Variants in KLRG1 observed in about 807,000 individuals in gnomAD.
KLRG1 encodes the protein killer cell lectin like receptor G1.
A neutral mutation model predicts 21.8 loss-of-function variants in KLRG1; 16 were observed. The ratio of observed to expected loss-of-function variants is 0.73; its 90% confidence interval spans 0.50 to 1.11. The LOEUF is 1.11. KLRG1 is among the 50% of genes most tolerant of loss of function. The pLI is 0.00. For missense variants in KLRG1, 173 were observed against 218.3 expected (o/e 0.79, Z 1.31); for synonymous variants, 69 against 75.9 (o/e 0.91, Z 0.47).
At chr12:9,197,112 C>A in the KLRG1 span, 1 of 1,608,136 alleles carries the variant, frequency 6.2e-7, no homozygotes, top group Non-Finnish European at 8.5e-7. Context: ...GACAGGCTTC[C>A]CATAAGTGTA....
At chr12:9,056,095 C>G in the KLRG1 span, among the ~76,000 whole-genome samples, 6 of 152,174 alleles carry the variant, frequency 3.9e-5, no homozygotes, top group Admixed American at 6.5e-5. Context: ...GTAGAGCAAA[C>G]TGCCTATCGG....
chr12:8,972,784 G>T (rs1408511000), intron 1 of KLRG1, among the ~76,000 whole-genome samples: 4 of 151,936 alleles, frequency 2.6e-5, no homozygotes, highest in African/African-American at 4.8e-5. Flanking sequence ...AGATTACTTT[G>T]GCTATTTGGG....
chr12:9,193,928 C>A, the KLRG1 span: 6 of 749,620 alleles, frequency 8.0e-6, no homozygotes, highest in East Asian at 8.4e-5. Context: ...TATTGTTTTT[C>A]ATGAAATTCT....
chr12:9,147,689 G>T, the KLRG1 span, among the ~76,000 whole-genome samples: 1 of 152,138 alleles, frequency 6.6e-6, no homozygotes, highest in East Asian at 1.9e-4. Context: ...CTCCACTCAT[G>T]TATCTTTCAT....
the KLRG1 span, among the ~76,000 whole-genome samples, chr12:9,200,161 T>A: frequency 6.6e-6 from 1 of 152,198 alleles, no homozygotes; most frequent in Admixed American, 6.5e-5. Flanking sequence ...TACGGAAAGA[T>A]GTTTATTGTT....
chr12:8,957,496 C>CATGTT, intron 1 of KLRG1, among the ~76,000 whole-genome samples: 1 of 151,826 alleles, frequency 6.6e-6, no homozygotes, highest in Admixed American at 6.5e-5. Flanking sequence ...CCTCGGAATA[C>CATGTT]TTGTTTTGTT....
intron 1 of KLRG1, among the ~76,000 whole-genome samples, chr12:8,984,021 G>A (rs1946802743): frequency 1.3e-5 from 2 of 151,836 alleles, no homozygotes; most frequent in South Asian, 4.2e-4. Context: ...TTATTTTGGG[G>A]GACTACAGTT....
chr12:9,191,584 ATTAAG>A, the KLRG1 span, among the ~76,000 whole-genome samples: 1 of 152,150 alleles, frequency 6.6e-6, no homozygotes, highest in Admixed American at 6.5e-5. Flanking sequence ...CCTAATGGTT[ATTAAG>A]TTTAGCTTAG....
chr12:9,041,940 A>C, the KLRG1 span, among the ~76,000 whole-genome samples: 1 of 152,254 alleles, frequency 6.6e-6, no homozygotes, highest in Non-Finnish European at 1.5e-5. Context: ...TGATGATTTT[A>C]CAAAAATCTA....
chr12:9,097,237 T>A, the KLRG1 span, among the ~76,000 whole-genome samples: 1 of 152,298 alleles, frequency 6.6e-6, no homozygotes, highest in African/African-American at 2.4e-5. Flanking sequence ...TATTCTAATA[T>A]TTTCAGTTAA....
the KLRG1 span, among the ~76,000 whole-genome samples, chr12:9,178,219 C>A: frequency 6.6e-6 from 1 of 152,158 alleles, no homozygotes; most frequent in Admixed American, 6.5e-5. Context: ...ACAATTCATA[C>A]GTTTTAAATT....
the KLRG1 span, among the ~76,000 whole-genome samples, chr12:9,212,237 G>A: frequency 1.1e-4 from 17 of 152,312 alleles, no homozygotes; most frequent in Admixed American, 5.2e-4. Context: ...GAGTGGGCAG[G>A]CCTGCTCTCA....
chr12:9,041,641 T>TTG, the KLRG1 span, among the ~76,000 whole-genome samples: 1 of 152,174 alleles, frequency 6.6e-6, no homozygotes, highest in Non-Finnish European at 1.5e-5. Flanking sequence ...CTGACCTGCC[T>TTG]TGTAACAAGT....
the KLRG1 span, among the ~76,000 whole-genome samples, chr12:9,107,895 A>T: frequency 1.3e-5 from 2 of 151,244 alleles, no homozygotes; most frequent in African/African-American, 4.9e-5. Flanking sequence ...GTTTTATCTT[A>T]AAAAAGTCTT....
the KLRG1 span, chr12:9,106,689 G>A: frequency 4.6e-6 from 3 of 648,850 alleles, no homozygotes; most frequent in Non-Finnish European, 5.3e-6. Context: ...TGTGATTTTT[G>A]TGGGGGGACA....
chr12:9,135,633 T>G, the KLRG1 span: 1 of 224,190 alleles, frequency 4.5e-6, no homozygotes, highest in Non-Finnish European at 8.7e-6. Context: ...TAAATTTGAT[T>G]TTGGCTTTGG....
chr12:9,128,810 T>TA, the KLRG1 span, among the ~76,000 whole-genome samples: 2 of 152,200 alleles, frequency 1.3e-5, no homozygotes, highest in African/African-American at 4.8e-5. Flanking sequence ...CAGTTTTTCT[T>TA]ACACCAGTTT....
chr12:8,985,502 A>G (rs774132848), upstream of KLRG1, among the ~76,000 whole-genome samples: 3 of 152,090 alleles, frequency 2.0e-5, no homozygotes, highest in Non-Finnish European at 2.9e-5. Flanking sequence ...AATATGCAAG[A>G]TCACCCCCTA....
chr12:9,129,612 C>T, the KLRG1 span, among the ~76,000 whole-genome samples: 1 of 151,918 alleles, frequency 6.6e-6, no homozygotes, highest in East Asian at 1.9e-4. Flanking sequence ...TTCACTCTGT[C>T]GCCCAGGCTA....
Sources: gnomAD v4.1 joint callset for allele counts (sites outside exome capture counted in the v4.1 genomes callset) on GRCh38, gnomAD v4.1.1 for gene constraint, MANE v1.5 for transcripts, NCBI Gene and HGNC (gene_info 2026-07-23, HGNC 2026-07-21) for gene names.